Variants in C14orf39 observed in about 807,000 individuals in gnomAD.
C14orf39 encodes the protein chromosome 14 open reading frame 39, also known as protein SIX6OS1.
In C14orf39, 66 loss-of-function variants were observed where a neutral mutation model predicts 85.6. That is an observed-to-expected ratio of 0.77 (90% confidence interval 0.63 to 0.95). C14orf39 has a LOEUF of 0.95. Among genes scored for constraint, C14orf39 ranks in the 40% least tolerant of loss-of-function variants. The pLI, the probability that C14orf39 is intolerant of heterozygous loss-of-function variation, is 0.00. For missense variants in C14orf39, 735 were observed against 663.9 expected (o/e 1.11, Z -1.18); for synonymous variants, 242 against 214.0 (o/e 1.13, Z -1.14).
At chr14:60,512,396 T>C (rs1167808346) in intron 1 of C14orf39, 3 of 152,250 alleles carry the variant, frequency 2.0e-5, no homozygotes, top group Non-Finnish European at 4.4e-5. Flanking sequence ...GATTGAGCTA[T>C]TATTAAAATA....
chr14:60,490,248 G>A (rs76426620), upstream of C14orf39, among the ~76,000 whole-genome samples: 420 of 152,172 alleles, frequency 2.8e-3, 2 homozygotes, highest in African/African-American at 9.7e-3. Flanking sequence ...ATCAATCCAA[G>A]TCAGTAATTG....
intron 12 of C14orf39, 28 bp from the exon 13 acceptor site, chr14:60,461,440 A>T (rs1414230429): frequency 6.3e-7 from 1 of 1,587,860 alleles, no homozygotes. Context: ...TAATTTTTGT[A>T]TTTTTTCTGA....
In C14orf39 at chr14:60,496,722, A is replaced by G. The variant is rs546668810; in HGVS notation, c.-9+2574T>C. ...CTTTACCGTTGCTTCATTCTCATTCAATTTATCACCATTTCCTAGGTGGGT... is the reference window on the plus strand; with the variant it reads ...CTTTACCGTTGCTTCATTCTCATTCGATTTATCACCATTTCCTAGGTGGGT... On this transcript the variant is annotated intron_variant, in intron 2 of 5. Coordinates refer to the C14orf39 transcript ENST00000556799. 3 of 152,560 alleles carry G rather than the reference A, an allele frequency of 2.0e-5. No homozygotes were observed. In the South Asian group the frequency reaches 6.2e-4, roughly 32 times the overall value. 9.5% of individuals were successfully genotyped at this position (152,560 alleles called of 1,614,324 possible). A position where few individuals can be genotyped will look rare whatever the true frequency, so the allele number is the denominator to read the frequency against.
intron 11 of C14orf39, among the ~76,000 whole-genome samples, chr14:60,463,297 AG>A (rs1433288803): frequency 6.6e-6 from 1 of 152,054 alleles, no homozygotes; most frequent in Non-Finnish European, 1.5e-5. Flanking sequence ...AATTTGTAAG[AG>A]TTACTATGTA....
chr14:60,458,771 T>C, intron 13 of C14orf39, 32 bp from the exon 14 acceptor site: 3 of 1,519,458 alleles, frequency 2.0e-6, no homozygotes, highest in Non-Finnish European at 2.7e-6. Context: ...CTATTTTTCT[T>C]TTTGTAATTT....
chr14:60,490,787 T>G (rs2140174562), upstream of C14orf39, among the ~76,000 whole-genome samples: 1 of 152,286 alleles, frequency 6.6e-6, no homozygotes, highest in East Asian at 1.9e-4. Flanking sequence ...AACCAAGCAC[T>G]GAGGACTGCA....
chr14:60,485,701 G>C (rs540134399), intron 1 of C14orf39, among the ~76,000 whole-genome samples: 1 of 152,160 alleles, frequency 6.6e-6, no homozygotes, highest in Non-Finnish European at 1.5e-5. Context: ...GTGGGAGTTC[G>C]CCGGCCGACT....
intron 7 of C14orf39, among the ~76,000 whole-genome samples, chr14:60,469,988 T>A (rs1381267876): frequency 7.0e-6 from 1 of 142,572 alleles, no homozygotes; most frequent in African/African-American, 2.5e-5. Flanking sequence ...TTGGCATAAC[T>A]AATAAAACAT....
intron 16 of C14orf39, among the ~76,000 whole-genome samples, chr14:60,454,629 G>T (rs1057440077): frequency 4.6e-5 from 7 of 152,102 alleles, no homozygotes; most frequent in African/African-American, 1.7e-4. Flanking sequence ...CAGTGATAAT[G>T]CTACTATGTA....
Position 60,483,673 on chromosome 14 carries a change from ATTCT to A in C14orf39, c.233+14_233+17del. 6.4e-7 allele frequency: 1 copy of A among 1,568,660 alleles called. No homozygotes were observed. Among genetic ancestry groups the A allele is most frequent in the Non-Finnish European group, 8.6e-7 (1 of 1,160,424 alleles). On this transcript the variant is annotated intron_variant, in intron 4 of 17. Coordinates refer to ENST00000321731, the MANE Select transcript of C14orf39 (RefSeq NM_174978.3). ...AAATAAAAGAATGCAATGAAAATTG[ATTCT>A]TTCAAATACTCACTTTCTACAGTTG...
intron 4 of C14orf39, among the ~76,000 whole-genome samples, chr14:60,479,044 C>CT (rs1273300902): frequency 6.6e-6 from 1 of 151,708 alleles, no homozygotes; most frequent in Non-Finnish European, 1.5e-5. Flanking sequence ...TTTTTTCTAA[C>CT]TTTTTTTTCA....
intron 4 of C14orf39, among the ~76,000 whole-genome samples, chr14:60,478,943 T>C (rs548222109): frequency 2.0e-5 from 3 of 152,060 alleles, no homozygotes; most frequent in Non-Finnish European, 4.4e-5. Context: ...TTTTTTATTA[T>C]GTAACTTGAA....
At chr14:60,455,492 C>T (rs904209903) in intron 15 of C14orf39, among the ~76,000 whole-genome samples, 3 of 152,016 alleles carry the variant, frequency 2.0e-5, no homozygotes, top group African/African-American at 4.8e-5. Flanking sequence ...GCAGCAATCA[C>T]GATTCAAAGT....
chr14:60,485,191 G>A, intron 1 of C14orf39, 105 bp from the exon 2 acceptor site: 1 of 933,760 alleles, frequency 1.1e-6, no homozygotes, highest in Non-Finnish European at 1.6e-6. Flanking sequence ...ACAGGAACAT[G>A]TGGGCAGAGC....
upstream of C14orf39, among the ~76,000 whole-genome samples, chr14:60,489,279 T>G (rs575359047): frequency 3.2e-4 from 49 of 152,374 alleles, no homozygotes; most frequent in African/African-American, 1.2e-3. Flanking sequence ...AAACAATCTT[T>G]GCAGTCAGGC....
rs1222236439 is a variant in C14orf39, at chr14:60,456,928, G to A, written c.1347C>T (p.Pro449=). 9 of 1,565,022 alleles carry A rather than the reference G, an allele frequency of 5.8e-6. No individual in the cohort carries two copies. The highest frequency in any genetic ancestry group is 1.2e-5 in the South Asian group (1 of 82,394). Residue 449 remains proline (P), a synonymous_variant, in exon 15 of 18, where the codon CCC becomes CCT. Coordinates refer to ENST00000321731, the MANE Select transcript of C14orf39 (RefSeq NM_174978.3). ...AATTAAAATCCTACATTTCGAACGG[G>A]GGGGTTTTAGGGAATTTTATTTTCT... is the stretch of plus-strand genomic sequence containing the variant. ...SLEKIKFPKT[P]PFEINRNRNA... is the part of the protein sequence containing the mutation.
At chr14:60,487,239 G>A (rs1892911619), upstream of C14orf39, among the ~76,000 whole-genome samples, 1 of 152,110 alleles carries the variant, frequency 6.6e-6, no homozygotes, top group Non-Finnish European at 1.5e-5. Context: ...CTGCCTAACT[G>A]AAACTTCGTA....
At chr14:60,454,873 T>C in intron 16 of C14orf39, 128 bp downstream of exon 16, 1 of 639,484 alleles carries the variant, frequency 1.6e-6, no homozygotes, top group Non-Finnish European at 2.5e-6. Context: ...ATACCATCAA[T>C]ACTCAGAATT....
intron 2 of C14orf39, among the ~76,000 whole-genome samples, chr14:60,493,571 C>T (rs151293680): frequency 0.013 from 1,937 of 152,258 alleles, 18 homozygotes; most frequent in Middle Eastern, 0.027. Context: ...ACTTTCAAGG[C>T]CCACTTCTTC....
Sources: allele counts gnomAD v4.1 joint callset (sites outside exome capture counted in the v4.1 genomes callset), GRCh38; gene constraint gnomAD v4.1.1; transcripts MANE v1.5; gene names NCBI Gene and HGNC (gene_info 2026-07-23, HGNC 2026-07-21).